The following ENAH variants were observed in gnomAD, a reference collection of about 807,000 sequenced individuals.
The protein encoded by ENAH is ENAH actin regulator.
A neutral mutation model predicts 78.7 loss-of-function variants in ENAH; 23 were observed. The observed-to-expected ratio is 0.29, with a 90% CI of 0.21 to 0.41. The LOEUF (loss-of-function observed/expected upper bound fraction) is 0.41. Among genes scored for constraint, ENAH ranks in the 10% least tolerant of loss-of-function variants. The probability of loss-of-function intolerance (pLI) is 1.00; values close to 1 mark genes in which losing one functional copy is unlikely to be tolerated. For missense variants in ENAH, 544 were observed against 691.0 expected (o/e 0.79, Z 2.39); for synonymous variants, 226 against 241.0 (o/e 0.94, Z 0.58).
chr1:225,514,242 C>T (rs2096399575), intron 7 of ENAH, among the ~76,000 whole-genome samples: 1 of 152,112 alleles, frequency 6.6e-6, no homozygotes, highest in South Asian at 2.1e-4. Flanking sequence ...TCTCGGCTCA[C>T]TGCAACCTCC....
At chr1:225,652,583 G>A (rs1663234233) in intron 1 of ENAH, 103 bp downstream of exon 1, 8 of 1,159,128 alleles carry the variant, frequency 6.9e-6, no homozygotes, top group Non-Finnish European at 7.7e-6. Flanking sequence ...GACCAGGGGA[G>A]ACGCGCCGGG....
intron 4 of ENAH, among the ~76,000 whole-genome samples, chr1:225,522,167 T>A (rs890234132): frequency 6.6e-6 from 1 of 152,204 alleles, no homozygotes; most frequent in African/African-American, 2.4e-5. Context: ...TGGGTCTAGT[T>A]AGAGACAAAG....
At chr1:225,513,182 TCAA>T (rs936279298) in intron 7 of ENAH, among the ~76,000 whole-genome samples, 166 bp from the exon 8 acceptor site, 15 of 152,216 alleles carry the variant, frequency 9.9e-5, no homozygotes, top group South Asian at 2.1e-4. Context: ...ACTTTATATA[TCAA>T]CAAGAGTTTA....
At chr1:225,648,528 A>C (rs1451051163) in intron 1 of ENAH, among the ~76,000 whole-genome samples, 3 of 152,192 alleles carry the variant, frequency 2.0e-5, no homozygotes, top group African/African-American at 7.2e-5. Flanking sequence ...CTATTAATCC[A>C]CACTCTTCTT....
chr1:225,608,157 G>T (rs2096966240), intron 1 of ENAH, among the ~76,000 whole-genome samples: 1 of 139,868 alleles, frequency 7.1e-6, no homozygotes, highest in African/African-American at 2.7e-5. Context: ...CAAAAGAAAA[G>T]CTTTTCAAAT....
chr1:225,535,366 A>G, intron 3 of ENAH: 2 of 385,608 alleles, frequency 5.2e-6, no homozygotes, highest in South Asian at 4.8e-5. Context: ...CACAACAAAT[A>G]TCACAACATA....
intron 7 of ENAH, among the ~76,000 whole-genome samples, chr1:225,514,001 C>CA (rs767613293): frequency 4.0e-5 from 6 of 150,104 alleles, no homozygotes; most frequent in Non-Finnish European, 8.9e-5. Context: ...AGAGAAAAAA[C>CA]AAAAAAAGTG....
At chr1:225,578,140 C>A (rs1351594703) in intron 1 of ENAH, among the ~76,000 whole-genome samples, 1 of 152,054 alleles carries the variant, frequency 6.6e-6, no homozygotes, top group Non-Finnish European at 1.5e-5. Context: ...GTAAAACTTA[C>A]AAAAGCTCTG....
rs937872585 is a variant in ENAH, at chr1:225,487,041, AC to A, written c.*10733del. 7 of 152,674 alleles carry A rather than the reference AC, an allele frequency of 4.6e-5. No individual in the cohort carries two copies. Among genetic ancestry groups the A allele is most frequent in the African/African-American group, 1.7e-4 (7 of 41,460 alleles). The allele number at this position is 152,674 out of a possible 1,614,324, so 9.5% of individuals were successfully genotyped here. Reference sequence around the variant, plus strand: ...TGAGTCCAGTGACTTCAGCAGGTCCACTGATCCACCACAGTGACAGGGCCAG... The same window carrying A: ...TGAGTCCAGTGACTTCAGCAGGTCCATGATCCACCACAGTGACAGGGCCAG... On this transcript the variant is annotated 3_prime_UTR_variant, in exon 14 of 14. Transcript: ENST00000366843.
rs576734809 is a variant in ENAH at position 225,641,657 on chromosome 1, C to T, written c.5+11029G>A. Among the ~76,000 whole-genome samples the T allele has an allele frequency of 5.3e-5, 8 of 151,904 alleles. No homozygotes were observed. The East Asian group carries it at 7.7e-4, about 15-fold the overall frequency. ...ATCCTAGCACTTTAGGAGGCTGAGG[C>T]GGGCAGATCACGTGAGGTCCGGAGT... is the stretch of plus-strand genomic sequence containing the variant. On this transcript the variant is annotated intron_variant, in intron 1 of 13. Transcript: ENST00000366843.
chr1:225,597,655 C>CAAAAAAAAAAAAA (rs565567062), intron 1 of ENAH, among the ~76,000 whole-genome samples: 2 of 61,172 alleles, frequency 3.3e-5, no homozygotes, highest in Admixed American at 1.9e-4. Flanking sequence ...AAGAGCATCT[C>CAAAAAAAAAAAAA]AAAAAAAAAA....
Position 225,492,544 on chromosome 1 carries a change from GTATT to G in ENAH, c.*5227_*5230del, listed in dbSNP as rs1442148164. ...GGGCCCTGCTCTCTGCTCTTTATGA[GTATT>G]TAACATGCTTCACAGAACGGGGGTG... On this transcript the variant is annotated 3_prime_UTR_variant, in exon 14 of 14. Transcript: ENST00000366843. 1 of 152,164 alleles carries G rather than the reference GTATT, an allele frequency of 6.6e-6. No individual in the cohort carries two copies. Among genetic ancestry groups the G allele is most frequent in the African/African-American group, 2.4e-5 (1 of 41,414 alleles). 9.4% of individuals were successfully genotyped at this position (152,164 alleles called of 1,614,324 possible).
At chr1:225,582,172 C>T (rs2096822238) in intron 1 of ENAH, among the ~76,000 whole-genome samples, 2 of 152,170 alleles carry the variant, frequency 1.3e-5, no homozygotes, top group South Asian at 4.2e-4. Flanking sequence ...CCCTCTCTCT[C>T]TCTTGCTCCT....
intron 1 of ENAH, among the ~76,000 whole-genome samples, chr1:225,596,952 T>C (rs1221323670): frequency 1.3e-5 from 2 of 152,172 alleles, no homozygotes; most frequent in African/African-American, 4.8e-5. Context: ...ATTGAACAAG[T>C]GGTCACAGCT....
At chr1:225,638,228 A>G (rs1660403750) in intron 1 of ENAH, among the ~76,000 whole-genome samples, 1 of 152,190 alleles carries the variant, frequency 6.6e-6, no homozygotes, top group South Asian at 2.1e-4. Context: ...ACACCTTGAA[A>G]AAAAAGCAGC....
Position 225,554,905 on chromosome 1 carries a change from C to A in ENAH, c.349+1G>T. On this transcript the variant is annotated splice_donor_variant, in intron 3 of 13. Transcript: ENST00000366843. LOFTEE classifies it high-confidence loss of function. ...ATACAAATAAACCATGGGCACCTTA[C>A]CTGTTTCCTGTGAATTTAACACTTC... is the stretch of plus-strand genomic sequence containing the variant. 6.5e-7 allele frequency: 1 copy of A among 1,527,252 alleles called. No homozygotes were observed. The highest frequency in any genetic ancestry group is 8.9e-7 in the Non-Finnish European group (1 of 1,118,852). The allele number at this position is 1,527,252 out of a possible 1,614,324, so 94.6% of individuals were successfully genotyped here. A position where few individuals can be genotyped will look rare whatever the true frequency, so the allele number is the denominator to read the frequency against.
intron 11 of ENAH, among the ~76,000 whole-genome samples, chr1:225,503,151 G>C (rs2151056213): frequency 6.6e-6 from 1 of 152,218 alleles, no homozygotes; most frequent in South Asian, 2.1e-4. Context: ...ATTAACTAAA[G>C]GGGGGAACTT....
chr1:225,529,974 T>C (rs1228356736), intron 4 of ENAH, among the ~76,000 whole-genome samples: 1 of 152,186 alleles, frequency 6.6e-6, no homozygotes, highest in Admixed American at 6.5e-5. Flanking sequence ...AGTGGAACTT[T>C]TAGTAGCTCA....
intron 7 of ENAH, among the ~76,000 whole-genome samples, chr1:225,513,241 C>G (rs1054705430): frequency 2.6e-5 from 4 of 152,160 alleles, no homozygotes; most frequent in Non-Finnish European, 5.9e-5. Flanking sequence ...TATCATGTAT[C>G]TCTTCCTGTG....
Sources: allele counts gnomAD v4.1 joint callset (sites outside exome capture counted in the v4.1 genomes callset), GRCh38; gene constraint gnomAD v4.1.1; transcripts MANE v1.5; gene names NCBI Gene and HGNC (gene_info 2026-07-23, HGNC 2026-07-21).